The following AKAP9 variants were observed in gnomAD, a reference collection of about 807,000 sequenced individuals.
The protein encoded by AKAP9 is A-kinase anchoring protein 9.
In AKAP9, 311 loss-of-function variants were observed where a neutral mutation model predicts 488.5. The ratio of observed to expected loss-of-function variants is 0.64; its 90% CI spans 0.58 to 0.70. AKAP9 has a LOEUF of 0.70. Among genes scored for constraint, AKAP9 ranks in the 30% least tolerant of loss-of-function variants. The pLI is 0.00. For synonymous variants in AKAP9, 1,462 were observed against 1,483.5 expected (o/e 0.99, Z 0.33); for missense variants, 4,215 against 4,374.5 (o/e 0.96, Z 1.03).
Position 91,998,418 on chromosome 7 carries a change from CTTTTTTTTTTTTTTTTTTT to C in AKAP9, c.931-2411_931-2393del, listed in dbSNP as rs60778133. Among the ~76,000 whole-genome samples the C allele has an allele frequency of 2.6e-3, 141 of 54,004 alleles. 1 individual carries two copies. Among genetic ancestry groups the C allele is most frequent in the Admixed American group, 0.013 (44 of 3,506 alleles). 35.4% of individuals were successfully genotyped at this position (54,004 alleles called of 152,430 possible). On this transcript the variant is annotated intron_variant, in intron 7 of 49. Transcript: ENST00000356239. Reference sequence around the variant, plus strand: ...AGATAGTGTATTCAACCACAGGGCTCTTTTTTTTTTTTTTTTTTTTTTTTTTTTTTTTTTTTTAGAATTC... The same window carrying C: ...AGATAGTGTATTCAACCACAGGGCTCTTTTTTTTTTTTTTTTTTAGAATTC...
intron 28 of AKAP9, among the ~76,000 whole-genome samples, chr7:92,073,278 C>T (rs11768584): frequency 6.6e-6 from 1 of 151,336 alleles, no homozygotes; most frequent in African/African-American, 2.4e-5. Flanking sequence ...GGGTGGATTA[C>T]TAGGTCAGGA....
intron 16 of AKAP9, among the ~76,000 whole-genome samples, chr7:92,033,398 A>G (rs987330349): frequency 1.3e-5 from 2 of 150,588 alleles, no homozygotes; most frequent in Non-Finnish European, 3.0e-5. Flanking sequence ...CCCCTCAGAT[A>G]TGATAGAAGA....
At chr7:91,959,237 A>G (rs553863905) in intron 1 of AKAP9, among the ~76,000 whole-genome samples, 1 of 152,276 alleles carries the variant, frequency 6.6e-6, no homozygotes, top group South Asian at 2.1e-4. Flanking sequence ...GTTGTGCAAT[A>G]GTGTAACCAT....
At chr7:91,954,223 A>C (rs1032062650) in intron 1 of AKAP9, among the ~76,000 whole-genome samples, 3 of 152,204 alleles carry the variant, frequency 2.0e-5, no homozygotes, top group African/African-American at 7.2e-5. Flanking sequence ...GCACATGACC[A>C]AAATTATGGG....
chr7:92,083,628 A>G lies in AKAP9; in HGVS notation c.8619A>G (p.Ala2873=). ...LLKEECGTLK[A]VIQCLRSKEG... ...AAGAGGAATGTGGTACCTTGAAGGC[A>G]GTGATACAGTGTCTGAGAAGTAAAG... Residue 2873 remains alanine (A), a synonymous_variant, in exon 33 of 50, where the codon GCA becomes GCG. Transcript: ENST00000356239. The G allele has an allele frequency of 6.2e-7, 1 of 1,610,248 alleles. No individual in the cohort carries two copies. Among genetic ancestry groups the G allele is most frequent in the Non-Finnish European group, 8.5e-7 (1 of 1,179,078 alleles).
At chr7:92,064,961 T>C (rs1810534861) in intron 24 of AKAP9, among the ~76,000 whole-genome samples, 1 of 152,012 alleles carries the variant, frequency 6.6e-6, no homozygotes, top group African/African-American at 2.4e-5. Flanking sequence ...TCATTTGCTA[T>C]GTTGTTTTCA....
chr7:91,980,639 A>T (rs1796297783), intron 3 of AKAP9, among the ~76,000 whole-genome samples: 1 of 151,144 alleles, frequency 6.6e-6, no homozygotes, highest in Admixed American at 6.6e-5. Context: ...CATATTTAGC[A>T]CAGTAAAAAT....
intron 33 of AKAP9, 42 bp downstream of exon 33, chr7:92,083,697 T>C: frequency 1.3e-6 from 2 of 1,560,618 alleles, no homozygotes; most frequent in Non-Finnish European, 1.7e-6. Flanking sequence ...CATTGTGTGG[T>C]TTTTTAAAAA....
chr7:92,101,005 T>C lies in AKAP9; in HGVS notation c.11046T>C (p.Asn3682=), dbSNP rs2130909664. Residue 3682 remains asparagine, a synonymous_variant, in exon 45 of 50, where the codon AAT becomes AAC. Transcript: ENST00000356239. The part of the protein sequence containing the change: ...EVYKLKAELR[N]DSLLQTLSPD... ...ACAAACTGAAAGCTGAACTAAGAAA[T>C]GACTCTTTACTTCAAACTCTGAGCC... is the stretch of plus-strand genomic sequence containing the variant. The C allele has an allele frequency of 1.9e-6, 3 of 1,614,108 alleles. No homozygotes were observed. The highest frequency in any genetic ancestry group is 2.5e-6 in the Non-Finnish European group (3 of 1,180,028).
At chr7:92,094,619 G>A (rs531688821) in intron 39 of AKAP9, among the ~76,000 whole-genome samples, 1 of 152,260 alleles carries the variant, frequency 6.6e-6, no homozygotes, top group Admixed American at 6.5e-5. Flanking sequence ...CGGATCATGA[G>A]GTCAGGAGAT....
chr7:91,944,857 A>G (rs1791238653), intron 1 of AKAP9, among the ~76,000 whole-genome samples: 1 of 152,198 alleles, frequency 6.6e-6, no homozygotes, highest in Non-Finnish European at 1.5e-5. Flanking sequence ...AGAGTGTATA[A>G]TATAGTTGGG....
chr7:91,992,348 A>G (rs1562945834), intron 4 of AKAP9, 137 bp downstream of exon 4: 3 of 759,398 alleles, frequency 4.0e-6, no homozygotes, highest in Non-Finnish European at 7.0e-6. Context: ...ACTAAAACAA[A>G]GTTATCTACC....
chr7:92,045,561 T>C (rs776127544), intron 21 of AKAP9, among the ~76,000 whole-genome samples: 1 of 152,192 alleles, frequency 6.6e-6, no homozygotes, highest in Non-Finnish European at 1.5e-5. Context: ...TCCTATAGAT[T>C]AAGGAAAGAT....
Position 92,079,866 on chromosome 7 carries a change from C to T in AKAP9, c.7733C>T (p.Ser2578Leu). The part of the protein sequence containing the change: ...AKFCQDNQTI[S>L]SEPERTNIQN... ...TTCTGTCAAGATAATCAAACAATTT[C>T]ATCAGAACCTGAAAGAACAAATATT... The change falls in exon 31 of 50, where the codon TCA becomes TTA. Residue 2578 changes from serine to leucine, a missense_variant. Physicochemically the swap from Ser to Leu is moderately radical, Grantham distance 145. Transcript: ENST00000356239. 1 of 1,614,032 alleles carries T rather than the reference C, an allele frequency of 6.2e-7. No individual in the cohort carries two copies.
chr7:91,997,056 C>T (rs1388045360), intron 7 of AKAP9, among the ~76,000 whole-genome samples: 1 of 152,136 alleles, frequency 6.6e-6, no homozygotes, highest in Admixed American at 6.6e-5. Flanking sequence ...AGTTGTCTGA[C>T]TCCAGAGACT....
intron 1 of AKAP9, among the ~76,000 whole-genome samples, chr7:91,956,928 T>C (rs1008237312): frequency 6.6e-6 from 1 of 152,240 alleles, no homozygotes; most frequent in Non-Finnish European, 1.5e-5. Context: ...CCTCTCTTTA[T>C]ACAACTGATG....
intron 1 of AKAP9, among the ~76,000 whole-genome samples, chr7:91,962,795 C>T (rs115774362): frequency 0.014 from 2,185 of 152,026 alleles, 44 homozygotes; most frequent in African/African-American, 0.05. Flanking sequence ...AATTTGGGTT[C>T]ATTTAGTAAT....
At position 92,078,577 on chromosome 7, in the gene AKAP9, GAAA is replaced by G. The variant is rs550699193; in HGVS notation, c.6946-490_6946-488del. ...ACAGAGTGAGACCCTGTCTCAAAAA[GAAA>G]AAAAAAAAAAAGCAAAGACACATTG... On this transcript the variant is annotated intron_variant, in intron 30 of 49. Coordinates refer to ENST00000356239, the MANE Select transcript of AKAP9 (RefSeq NM_005751.5). Among the ~76,000 whole-genome samples, 173 of 106,056 alleles carry G rather than the reference GAAA, an allele frequency of 1.6e-3. 1 individual carries two copies. The Middle Eastern group carries it at 0.02, about 12-fold the overall frequency. 69.6% of individuals were successfully genotyped at this position (106,056 alleles called of 152,430 possible).
rs989822684 is a variant in AKAP9, at chr7:91,964,548, A to G, written c.49-9163A>G. 7.2e-5 allele frequency among the ~76,000 whole-genome samples: 11 copies of G among 152,100 alleles called. No individual in the cohort carries two copies. In the South Asian group the frequency reaches 8.3e-4, roughly 11 times the overall value. Reference sequence around the variant, plus strand: ...CCCTAAAAACTCAGACTTCACCACTATGTAATATATCGATGTAACAAAACT... The same window carrying G: ...CCCTAAAAACTCAGACTTCACCACTGTGTAATATATCGATGTAACAAAACT... On this transcript the variant is annotated intron_variant, in intron 1 of 49. Transcript: ENST00000356239.
Sources: allele counts gnomAD v4.1 joint callset (sites outside exome capture counted in the v4.1 genomes callset), GRCh38; gene constraint gnomAD v4.1.1; transcripts MANE v1.5; gene names NCBI Gene and HGNC (gene_info 2026-07-23, HGNC 2026-07-21).